Variants in FER observed in about 807,000 individuals in gnomAD.
The protein encoded by FER is FER tyrosine kinase, also known as tyrosine-protein kinase Fer.
A neutral mutation model predicts 111.0 loss-of-function variants in FER; 63 were observed. The observed-to-expected ratio is 0.57, with a 90% CI of 0.46 to 0.70. The LOEUF (loss-of-function observed/expected upper bound fraction) is 0.70. FER is among the 30% of genes least tolerant of loss of function. FER has a pLI of 0.00. For synonymous variants in FER, 327 were observed against 313.9 expected (o/e 1.04, Z -0.44); for missense variants, 914 against 954.0 (o/e 0.96, Z 0.55).
intron 17 of FER, among the ~76,000 whole-genome samples, chr5:109,137,851 A>G (rs537257814): frequency 5.9e-5 from 9 of 152,190 alleles, no homozygotes. Flanking sequence ...GGTTTCTGCC[A>G]TGGTTAATTC....
chr5:109,086,269 A>G (rs957233290), intron 16 of FER, among the ~76,000 whole-genome samples: 1 of 128,564 alleles, frequency 7.8e-6, no homozygotes, highest in African/African-American at 3.2e-5. Flanking sequence ...TTGTCTTTCA[A>G]GGTATCGGTC....
At position 109,180,917 on chromosome 5, in the gene FER, A is replaced by G; in HGVS notation, c.2203+16A>G. 6.6e-6 allele frequency: 8 copies of G among 1,216,288 alleles called. No homozygotes were observed. The highest frequency in any genetic ancestry group is 7.9e-6 in the Non-Finnish European group (7 of 887,008). The allele number at this position is 1,216,288 out of a possible 1,614,324, so 75.3% of individuals were successfully genotyped here. ...CTTAATTATGGTAAGAATAGACCAC[A>G]TTTTTTTTTTAATGGTAAAAATGAA... is the stretch of plus-strand genomic sequence containing the variant. On this transcript the variant is annotated intron_variant, in intron 18 of 19. Transcript: ENST00000281092.
rs1383165825 is a variant in FER at position 109,193,280 on chromosome 5, C to T, written c.*5705C>T. ...AGCCCTCTCCCTAAGCAGTAGCAAG[C>T]TGAGTAATGGCACACATATGTCTAG... is the stretch of plus-strand genomic sequence containing the variant. On this transcript the variant is annotated 3_prime_UTR_variant, in exon 20 of 20. Coordinates refer to ENST00000281092, the MANE Select transcript of FER (RefSeq NM_005246.4). The T allele has an allele frequency of 2.0e-5, 3 of 152,160 alleles. No individual in the cohort carries two copies. Among genetic ancestry groups the T allele is most frequent in the Admixed American group, 2.0e-4 (3 of 15,268 alleles). The allele number at this position is 152,160 out of a possible 1,614,324, so 9.4% of individuals were successfully genotyped here.
At chr5:108,833,007 C>A in intron 4 of FER, 64 bp downstream of exon 4, 1 of 1,404,334 alleles carries the variant, frequency 7.1e-7, no homozygotes, top group Non-Finnish European at 9.6e-7. Flanking sequence ...AAATATTTTA[C>A]CTTATTTGGC....
At chr5:109,171,702 T>C (rs1269678803) in intron 17 of FER, among the ~76,000 whole-genome samples, 1 of 152,180 alleles carries the variant, frequency 6.6e-6, no homozygotes, top group African/African-American at 2.4e-5. Context: ...GTGTATGTTT[T>C]TTAAATCTCT....
chr5:109,165,600 GT>G (rs1756456291), intron 17 of FER, among the ~76,000 whole-genome samples: 1 of 88,958 alleles, frequency 1.1e-5, no homozygotes, highest in Non-Finnish European at 2.5e-5. Context: ...ACTGGTGTGT[GT>G]GTGTGTGTGT....
intron 3 of FER, among the ~76,000 whole-genome samples, chr5:108,809,602 GC>G (rs1363808951): frequency 1.3e-5 from 2 of 152,056 alleles, no homozygotes; most frequent in African/African-American, 4.8e-5. Flanking sequence ...TTGCTCTGTT[GC>G]CCAGGCTGGT....
intron 17 of FER, among the ~76,000 whole-genome samples, chr5:109,120,379 G>A (rs1385380358): frequency 1.3e-5 from 2 of 151,956 alleles, no homozygotes; most frequent in Non-Finnish European, 2.9e-5. Context: ...CCTAATGTAT[G>A]CTCTCTCTGT....
intron 18 of FER, among the ~76,000 whole-genome samples, chr5:109,181,109 T>C: frequency 6.6e-6 from 1 of 152,266 alleles, no homozygotes; most frequent in East Asian, 1.9e-4. Context: ...AAGGTAGATA[T>C]AAGTACTTTT....
intron 10 of FER, among the ~76,000 whole-genome samples, chr5:108,913,965 G>T (rs1447988483): frequency 2.6e-5 from 4 of 152,068 alleles, no homozygotes; most frequent in Non-Finnish European, 5.9e-5. Flanking sequence ...AATGACATTC[G>T]ATTTTAGAAT....
chr5:108,965,912 T>G (rs192625331), intron 13 of FER, among the ~76,000 whole-genome samples: 342 of 152,292 alleles, frequency 2.2e-3, no homozygotes, highest in African/African-American at 7.7e-3. Flanking sequence ...CAAAGTTAAA[T>G]TAAGATTGGA....
intron 5 of FER, among the ~76,000 whole-genome samples, chr5:108,867,382 C>G (rs1764170304): frequency 1.3e-5 from 2 of 152,128 alleles, no homozygotes. Context: ...GTTGATATCT[C>G]AAACATAGAC....
intron 13 of FER, among the ~76,000 whole-genome samples, chr5:108,992,934 G>A (rs532657158): frequency 2.0e-4 from 29 of 148,498 alleles, no homozygotes; most frequent in African/African-American, 4.5e-4. Flanking sequence ...CCACATCTCC[G>A]ACGATGGGCG....
intron 13 of FER, among the ~76,000 whole-genome samples, chr5:108,979,636 T>G (rs1266751365): frequency 5.3e-5 from 8 of 152,194 alleles, no homozygotes; most frequent in Non-Finnish European, 1.2e-4. Context: ...CTAATCTTGT[T>G]CATACTTGAT....
At chr5:108,990,744 A>T (rs1272166151) in intron 13 of FER, among the ~76,000 whole-genome samples, 1 of 151,766 alleles carries the variant, frequency 6.6e-6, no homozygotes. Context: ...GTAATTATTC[A>T]GTGAAATAGA....
Position 108,976,964 on chromosome 5 carries a change from A to G in FER, c.1656+17617A>G, listed in dbSNP as rs563452425. ...GGTCCCATGGTGTTATTCAAGGTTT[A>G]TGGTATTGCATAAAACATGATGAAA... is the stretch of plus-strand genomic sequence containing the variant. On this transcript the variant is annotated intron_variant, in intron 13 of 19. Transcript: ENST00000281092. 3.3e-5 allele frequency among the ~76,000 whole-genome samples: 5 copies of G among 152,314 alleles called. No homozygotes were observed. In the South Asian group the frequency reaches 1.0e-3, roughly 32 times the overall value.
intron 10 of FER, among the ~76,000 whole-genome samples, chr5:108,917,035 G>A (rs1300872784): frequency 6.6e-6 from 1 of 152,032 alleles, no homozygotes; most frequent in Non-Finnish European, 1.5e-5. Context: ...TTGTCTTTGT[G>A]TATTAAACAT....
At chr5:109,013,175 C>T (rs924148755) in intron 13 of FER, among the ~76,000 whole-genome samples, 1 of 150,668 alleles carries the variant, frequency 6.6e-6, no homozygotes, top group African/African-American at 2.4e-5. Flanking sequence ...GTGTGCTGAA[C>T]CCAGTAACTC....
intron 16 of FER, among the ~76,000 whole-genome samples, chr5:109,091,266 G>A (rs1416216913): frequency 6.6e-6 from 1 of 152,198 alleles, no homozygotes; most frequent in East Asian, 1.9e-4. Flanking sequence ...CTTGGAGGGT[G>A]TTTTCCAGGG....
Sources: allele counts gnomAD v4.1 joint callset (sites outside exome capture counted in the v4.1 genomes callset), GRCh38; gene constraint gnomAD v4.1.1; transcripts MANE v1.5; gene names NCBI Gene and HGNC (gene_info 2026-07-23, HGNC 2026-07-21).